The following STAG1 variants were observed in gnomAD, a reference collection of about 807,000 sequenced individuals.
STAG1 encodes cohesin subunit SA-1.
Under a neutral mutation model 170.9 loss-of-function variants are expected in STAG1, and 26 were observed. That is an observed-to-expected ratio of 0.15 (90% confidence interval 0.11 to 0.21). The LOEUF is 0.21. STAG1 is among the 10% of genes least tolerant of loss of function. The pLI is 1.00. For synonymous variants in STAG1, 514 were observed against 497.7 expected, an observed-to-expected ratio of 1.03 and a Z score of -0.44; for missense variants, 964 against 1,509.5, an observed-to-expected ratio of 0.64 and a Z score of 5.99.
intron 1 of STAG1, among the ~76,000 whole-genome samples, chr3:136,698,346 A>C (rs1942957744): frequency 6.6e-6 from 1 of 152,194 alleles, no homozygotes; most frequent in African/African-American, 2.4e-5. Flanking sequence ...AGACATGAAG[A>C]GACATTTCTC....
intron 4 of STAG1, 39 bp downstream of exon 4, chr3:136,604,270 T>C: frequency 1.3e-6 from 2 of 1,565,276 alleles, no homozygotes; most frequent in South Asian, 2.4e-5. Flanking sequence ...AGTTATTAAC[T>C]GTATTGCTTT....
intron 1 of STAG1, among the ~76,000 whole-genome samples, chr3:136,640,440 C>T (rs1259499145): frequency 2.0e-5 from 3 of 151,132 alleles, no homozygotes; most frequent in Non-Finnish European, 4.4e-5. Context: ...ACGATCTCGG[C>T]TCACTGCAAC....
intron 6 of STAG1, among the ~76,000 whole-genome samples, chr3:136,535,264 G>A (rs1270477230): frequency 1.3e-5 from 2 of 152,116 alleles, no homozygotes; most frequent in African/African-American, 4.8e-5. Context: ...AGAGAGGTTG[G>A]GTAAATAGTT....
intron 14 of STAG1, among the ~76,000 whole-genome samples, chr3:136,445,024 CTT>C (rs368181116): frequency 9.7e-5 from 13 of 134,094 alleles, no homozygotes; most frequent in Non-Finnish European, 1.3e-4. Flanking sequence ...CCCCGCCTGG[CTT>C]TTTTTTTTTT....
intron 5 of STAG1, among the ~76,000 whole-genome samples, chr3:136,547,528 C>G (rs1936205837): frequency 6.6e-6 from 1 of 152,174 alleles, no homozygotes; most frequent in Admixed American, 6.5e-5. Flanking sequence ...CCCTTCTGCT[C>G]TCTCCTTCCA....
At chr3:136,369,320 C>G (rs1198341097) in intron 23 of STAG1, 38 bp from the exon 24 acceptor site, 1 of 1,492,904 alleles carries the variant, frequency 6.7e-7, no homozygotes, top group East Asian at 2.5e-5. Flanking sequence ...AAATATTACA[C>G]AAATATAACT....
intron 22 of STAG1, among the ~76,000 whole-genome samples, chr3:136,379,917 A>C (rs1046171185): frequency 1.3e-5 from 2 of 152,246 alleles, no homozygotes; most frequent in Non-Finnish European, 2.9e-5. Context: ...GATTTTTAGC[A>C]TAAGAGTGCT....
chr3:136,465,842 C>T (rs1042306575), intron 12 of STAG1, among the ~76,000 whole-genome samples: 2 of 152,024 alleles, frequency 1.3e-5, no homozygotes, highest in Non-Finnish European at 2.9e-5. Context: ...AATGCATAAC[C>T]TCTACGAAAA....
intron 6 of STAG1, among the ~76,000 whole-genome samples, chr3:136,524,942 A>G (rs1463984217): frequency 6.6e-6 from 1 of 152,178 alleles, no homozygotes; most frequent in Non-Finnish European, 1.5e-5. Context: ...CCAGGGATGA[A>G]GCCCACTTGA....
At chr3:136,664,287 A>G (rs1251305011) in intron 1 of STAG1, among the ~76,000 whole-genome samples, 2 of 152,184 alleles carry the variant, frequency 1.3e-5, no homozygotes, top group Non-Finnish European at 2.9e-5. Flanking sequence ...CTAAATTGCA[A>G]TGTAAAATGT....
At chr3:136,586,331 A>T (rs1937820402) in intron 4 of STAG1, among the ~76,000 whole-genome samples, 1 of 152,094 alleles carries the variant, frequency 6.6e-6, no homozygotes, top group Non-Finnish European at 1.5e-5. Flanking sequence ...GCCCTAGATA[A>T]TCTGTATAAA....
At chr3:136,461,637 A>G (rs2089277418) in intron 13 of STAG1, among the ~76,000 whole-genome samples, 1 of 151,994 alleles carries the variant, frequency 6.6e-6, no homozygotes, top group African/African-American at 2.4e-5. Context: ...TCTTAAGAAT[A>G]TTAGTCTGGG....
intron 11 of STAG1, 94 bp from the exon 12 acceptor site, chr3:136,472,586 C>G (rs2107812822): frequency 6.4e-6 from 5 of 776,888 alleles, no homozygotes; most frequent in South Asian, 2.0e-5. Context: ...ATATGCAATA[C>G]TAATGATAGG....
chr3:136,374,469 T>G (rs1315151237), intron 23 of STAG1, among the ~76,000 whole-genome samples: 1 of 151,960 alleles, frequency 6.6e-6, no homozygotes, highest in Non-Finnish European at 1.5e-5. Flanking sequence ...AATACAAAAT[T>G]AGCCAGGTGT....
At chr3:136,673,385 A>G (rs1471948526) in intron 1 of STAG1, among the ~76,000 whole-genome samples, 1 of 152,188 alleles carries the variant, frequency 6.6e-6, no homozygotes, top group African/African-American at 2.4e-5. Flanking sequence ...CCTAGGATGA[A>G]CAGTATTTCA....
chr3:136,406,163 T>C lies in STAG1; in HGVS notation c.2197-7334A>G, dbSNP rs911929735. On this transcript the variant is annotated intron_variant, in intron 21 of 33. Coordinates refer to ENST00000383202, the MANE Select transcript of STAG1 (RefSeq NM_005862.3). ...CAATGTCCTTCAGTAGCCGGATGGA[T>C]AAAGCAAACTGAAGTATCCACACAG... Among the ~76,000 whole-genome samples, 10 of 152,230 alleles carry C rather than the reference T, an allele frequency of 6.6e-5. No individual in the cohort carries two copies. The Middle Eastern group carries it at 0.017, about 259-fold the overall frequency.
Position 136,751,922 on chromosome 3 carries a change from G to A in STAG1, c.-84+273C>T, listed in dbSNP as rs1210278106. ...GGCAAAATTTTTGGTGCCCGCGGGAGGGGTGGCAAGCGACGAAGACGCCGG... is the reference window on the plus strand; with the variant it reads ...GGCAAAATTTTTGGTGCCCGCGGGAAGGGTGGCAAGCGACGAAGACGCCGG... On this transcript the variant is annotated intron_variant, in intron 1 of 33. Transcript: ENST00000383202. 2.0e-5 allele frequency among the ~76,000 whole-genome samples: 3 copies of A among 150,948 alleles called. No homozygotes were observed. The East Asian group carries it at 5.8e-4, about 29-fold the overall frequency.
In STAG1 at chr3:136,545,714, GA is replaced by G. The variant is rs796628838; in HGVS notation, c.395-3520del. Among the ~76,000 whole-genome samples the G allele has an allele frequency of 5.8e-4, 85 of 145,358 alleles. 1 individual carries two copies. Among genetic ancestry groups the G allele is most frequent in the Admixed American group, 2.3e-3 (33 of 14,632 alleles). ...CTGTCTAAACAGTATGTGCAAAAAG[GA>G]AAAAAAAAACCCTCACAAATTATGA... is the stretch of plus-strand genomic sequence containing the variant. On this transcript the variant is annotated intron_variant, in intron 5 of 33. Coordinates refer to ENST00000383202, the MANE Select transcript of STAG1 (RefSeq NM_005862.3).
At chr3:136,612,842 C>T (rs1207260799) in intron 3 of STAG1, among the ~76,000 whole-genome samples, 3 of 152,174 alleles carry the variant, frequency 2.0e-5, no homozygotes, top group African/African-American at 7.2e-5. Flanking sequence ...AAATAAAAAA[C>T]ATTCACAAGC....
Sources: gnomAD v4.1 joint callset for allele counts (sites outside exome capture counted in the v4.1 genomes callset) on GRCh38, gnomAD v4.1.1 for gene constraint, MANE v1.5 for transcripts, NCBI Gene and HGNC (gene_info 2026-07-23, HGNC 2026-07-21) for gene names.